The following PPFIBP2 variants were observed in gnomAD, a reference collection of about 807,000 sequenced individuals.
PPFIBP2 encodes the protein liprin-beta-2.
PPFIBP2 carries 118 observed loss-of-function variants against 118.3 expected under a neutral mutation model. The ratio of observed to expected loss-of-function variants is 1.00; its 90% CI spans 0.86 to 1.16. The LOEUF is 1.16. PPFIBP2 is among the 50% of genes most tolerant of loss of function. The pLI is 0.00. For missense variants in PPFIBP2, 1,195 were observed against 1,073.1 expected, an observed-to-expected ratio of 1.11 and a Z score of -1.59; for synonymous variants, 414 against 397.4, an observed-to-expected ratio of 1.04 and a Z score of -0.50.
rs753586621 is a variant in PPFIBP2 at position 7,597,682 on chromosome 11, G to A, written c.486+9G>A. ...AAGAGATGCTTCAACAGGTAAGGGCGGGTGCACTGAAGGCCCTTGGGTGCC... is the reference window on the plus strand; with the variant it reads ...AAGAGATGCTTCAACAGGTAAGGGCAGGTGCACTGAAGGCCCTTGGGTGCC... On this transcript the variant is annotated intron_variant, in intron 5 of 23. Transcript: ENST00000299492. 2.2e-5 allele frequency: 36 copies of A among 1,608,916 alleles called. No homozygotes were observed. The highest frequency in any genetic ancestry group is 1.7e-4 in the Middle Eastern group (1 of 6,006).
chr11:7,641,678 CAA>C (rs1311561333), intron 16 of PPFIBP2, 58 bp downstream of exon 16: 20 of 1,544,876 alleles, frequency 1.3e-5, no homozygotes, highest in Non-Finnish European at 1.8e-5. Context: ...TTTGATTGGG[CAA>C]AGAGTCTATG....
intron 2 of PPFIBP2, 37 bp downstream of exon 2, chr11:7,549,576 C>G (rs1852713920): frequency 6.7e-7 from 1 of 1,489,642 alleles, no homozygotes; most frequent in Non-Finnish European, 8.9e-7. Flanking sequence ...AGGTCTCATC[C>G]TCCACATTCC....
intron 1 of PPFIBP2, among the ~76,000 whole-genome samples, chr11:7,535,844 A>C (rs7127725): frequency 2.6e-5 from 4 of 151,898 alleles, no homozygotes; most frequent in Non-Finnish European, 4.4e-5. Context: ...CATCCCTGCA[A>C]GGGGAGACCA....
intron 1 of PPFIBP2, among the ~76,000 whole-genome samples, chr11:7,523,959 G>A (rs933920868): frequency 2.0e-5 from 3 of 152,202 alleles, no homozygotes; most frequent in African/African-American, 7.2e-5. Context: ...ATCACATGCA[G>A]CTGGGCCTCT....
At chr11:7,639,902 T>C (rs1173474896) in intron 15 of PPFIBP2, 32 bp downstream of exon 15, 1 of 1,600,458 alleles carries the variant, frequency 6.2e-7, no homozygotes, top group African/African-American at 1.4e-5. Context: ...TGGTGGCCTC[T>C]GAGCAGTGTC....
At chr11:7,659,277 G>C (rs1249426388), downstream of PPFIBP2, among the ~76,000 whole-genome samples, 2 of 150,022 alleles carry the variant, frequency 1.3e-5, no homozygotes, top group African/African-American at 2.5e-5. Flanking sequence ...TATGGTTTTA[G>C]GTCTAACCTT....
chr11:7,535,659 C>T (rs1851137007), intron 1 of PPFIBP2, among the ~76,000 whole-genome samples: 1 of 152,188 alleles, frequency 6.6e-6, no homozygotes, highest in Admixed American at 6.5e-5. Flanking sequence ...TAACTACCAT[C>T]ATGAGAACAG....
chr11:7,596,856 A>G (rs1452941482), intron 4 of PPFIBP2, among the ~76,000 whole-genome samples: 2 of 152,216 alleles, frequency 1.3e-5, no homozygotes, highest in African/African-American at 4.8e-5. Context: ...GTTAGTGCAT[A>G]ATTTGAATGA....
intron 23 of PPFIBP2, among the ~76,000 whole-genome samples, chr11:7,652,445 T>G (rs1854184248): frequency 6.6e-6 from 1 of 152,230 alleles, no homozygotes; most frequent in Non-Finnish European, 1.5e-5. Flanking sequence ...AGGCAACCTC[T>G]GGAGGCCAGG....
intron 4 of PPFIBP2, 22 bp from the exon 5 acceptor site, chr11:7,597,538 A>G (rs377486742): frequency 2.2e-5 from 36 of 1,605,234 alleles, no homozygotes; most frequent in Non-Finnish European, 2.8e-5. Context: ...GTCCTCCACC[A>G]TTGCTTTATT....
the PPFIBP2 span, chr11:7,666,694 G>A: frequency 1.7e-6 from 1 of 572,270 alleles, no homozygotes. Flanking sequence ...GCAAACAAGA[G>A]TTCTGCTGCT....
At chr11:7,562,293 A>G (rs1215592703) in intron 2 of PPFIBP2, among the ~76,000 whole-genome samples, 1 of 152,224 alleles carries the variant, frequency 6.6e-6, no homozygotes, top group East Asian at 1.9e-4. Context: ...CCATTGGTAG[A>G]AGGGCTTAGT....
At chr11:7,561,240 A>AT (rs1854267383) in intron 2 of PPFIBP2, among the ~76,000 whole-genome samples, 1 of 151,986 alleles carries the variant, frequency 6.6e-6, no homozygotes, top group South Asian at 2.1e-4. Context: ...TAATTTTTGT[A>AT]TTTTTAGTAG....
intron 12 of PPFIBP2, among the ~76,000 whole-genome samples, chr11:7,634,104 C>T (rs1454928794): frequency 6.6e-6 from 1 of 152,174 alleles, no homozygotes; most frequent in Admixed American, 6.5e-5. Context: ...CAGGTCCCTC[C>T]TCCCTGGATT....
At chr11:7,665,559 A>G in the PPFIBP2 span, 1 of 1,591,622 alleles carries the variant, frequency 6.3e-7, no homozygotes, top group African/African-American at 1.3e-5. Context: ...GAAATGAAGG[A>G]GATGCAGGAG....
chr11:7,627,401 TACA>T (rs1400262786), intron 8 of PPFIBP2, among the ~76,000 whole-genome samples: 4 of 152,068 alleles, frequency 2.6e-5, no homozygotes, highest in African/African-American at 9.7e-5. Flanking sequence ...TCTTGTTAGA[TACA>T]ACAAGCATCC....
At chr11:7,666,131 A>C in the PPFIBP2 span, 4 of 608,838 alleles carry the variant, frequency 6.6e-6, no homozygotes, top group Admixed American at 8.3e-5. Context: ...GTCAGTGCCC[A>C]TATTAGATGT....
At chr11:7,560,000 G>A (rs1054767419) in intron 2 of PPFIBP2, among the ~76,000 whole-genome samples, 2 of 152,200 alleles carry the variant, frequency 1.3e-5, no homozygotes, top group African/African-American at 4.8e-5. Context: ...ACTCCTGGCA[G>A]TTGAGTATGT....
chr11:7,645,026 CAAAAAAAAAAAAAAAAAA>C (rs57087700), intron 17 of PPFIBP2, among the ~76,000 whole-genome samples: 7 of 81,814 alleles, frequency 8.6e-5, no homozygotes, highest in Non-Finnish European at 1.2e-4. Context: ...GACTCCGTCT[CAAAAAAAAAAAAAAAAAA>C]AAAAAAAAAA....
Sources: allele counts gnomAD v4.1 joint callset (sites outside exome capture counted in the v4.1 genomes callset), GRCh38; gene constraint gnomAD v4.1.1; transcripts MANE v1.5; gene names NCBI Gene and HGNC (gene_info 2026-07-23, HGNC 2026-07-21).